RBFOX1: variants seen among roughly 807,000 people sequenced by gnomAD.
RBFOX1 encodes the protein RNA binding fox-1 homolog 1, also known as RNA binding protein fox-1 homolog 1.
In RBFOX1, 8 loss-of-function variants were observed where a neutral mutation model predicts 57.7. The ratio of observed to expected loss-of-function variants is 0.14; its 90% CI spans 0.08 to 0.25. The LOEUF is 0.25. RBFOX1 is among the 10% of genes least tolerant of loss of function. The probability of loss-of-function intolerance (pLI) is 1.00; values close to 1 mark genes in which losing one functional copy is unlikely to be tolerated. For synonymous variants in RBFOX1, 326 were observed against 222.4 expected, an observed-to-expected ratio of 1.47 and a Z score of -4.15; for missense variants, 611 against 548.5, an observed-to-expected ratio of 1.11 and a Z score of -1.14.
In RBFOX1 at chr16:7,658,949, T is replaced by A. The variant is rs527471005; in HGVS notation, c.890+5002T>A. Among the ~76,000 whole-genome samples, 5 of 152,322 alleles carry A rather than the reference T, an allele frequency of 3.3e-5. No individual in the cohort carries two copies. In the South Asian group the frequency reaches 8.3e-4, roughly 25 times the overall value. On this transcript the variant is annotated intron_variant, in intron 12 of 15. Transcript: ENST00000550418. Reference sequence around the variant, plus strand: ...CATATTGGCCAGGCTGCTCTCAAACTCCTGACCTCAAGTGATCTGCCCACC... The same window carrying A: ...CATATTGGCCAGGCTGCTCTCAAACACCTGACCTCAAGTGATCTGCCCACC...
chr16:6,378,825 C>G (rs1267616529), intron 2 of RBFOX1, among the ~76,000 whole-genome samples: 1 of 152,102 alleles, frequency 6.6e-6, no homozygotes, highest in East Asian at 1.9e-4. Context: ...TTGAATGAAT[C>G]TTTAGGAGGA....
At chr16:7,093,123 T>C (rs1184481467) in intron 4 of RBFOX1, among the ~76,000 whole-genome samples, 5 of 152,218 alleles carry the variant, frequency 3.3e-5, no homozygotes, top group Non-Finnish European at 5.9e-5. Context: ...AGATGACTTC[T>C]TTTACCCCAG....
At chr16:7,003,991 T>G (rs1323868344) in intron 3 of RBFOX1, 1 of 138,638 alleles carries the variant, frequency 7.2e-6, no homozygotes, top group African/African-American at 3.4e-5. Context: ...ATGAGGGGTT[T>G]TTTTTTTTTT....
chr16:6,822,864 T>C (rs1451400011), intron 3 of RBFOX1, among the ~76,000 whole-genome samples: 1 of 152,186 alleles, frequency 6.6e-6, no homozygotes, highest in East Asian at 1.9e-4. Flanking sequence ...TTAAAATGCC[T>C]GGAACAGTGA....
chr16:5,275,048 C>G (rs1227639842), intron 1 of RBFOX1, among the ~76,000 whole-genome samples: 2 of 152,214 alleles, frequency 1.3e-5, no homozygotes, highest in African/African-American at 4.8e-5. Flanking sequence ...CTATGCTGCT[C>G]TTGCCTTCTG....
At chr16:7,051,696 G>A (rs2050141412) in intron 3 of RBFOX1, among the ~76,000 whole-genome samples, 1 of 152,164 alleles carries the variant, frequency 6.6e-6, no homozygotes, top group African/African-American at 2.4e-5. Context: ...GGCCTTTATG[G>A]AGGAATTCTT....
chr16:7,136,949 C>T (rs2152055808), intron 4 of RBFOX1, among the ~76,000 whole-genome samples: 1 of 152,306 alleles, frequency 6.6e-6, no homozygotes, highest in East Asian at 1.9e-4. Context: ...TCGTCATGGC[C>T]CATGGGCCAG....
At chr16:6,118,756 TCTCTCTTTCTCC>T (rs1247074672) in intron 1 of RBFOX1, among the ~76,000 whole-genome samples, 147 of 149,284 alleles carry the variant, frequency 9.8e-4, no homozygotes, top group South Asian at 4.3e-3. Context: ...CTTCCTTCCT[TCTCTCTTTCTCC>T]CTCTCTTTCT....
At chr16:7,701,238 C>T (rs2215278) in intron 14 of RBFOX1, among the ~76,000 whole-genome samples, 148,897 of 152,266 alleles carry the variant, frequency 0.98, 72,893 homozygotes, top group East Asian at 1. Flanking sequence ...TTTTTGGAGA[C>T]TTTGCTGCAT....
At chr16:6,397,952 G>T (rs75890143) in intron 2 of RBFOX1, among the ~76,000 whole-genome samples, 5,061 of 152,192 alleles carry the variant, frequency 0.033, 248 homozygotes, top group African/African-American at 0.11. Flanking sequence ...ACTGAAAAAG[G>T]GGAATAGAGA....
At chr16:6,925,733 AC>A (rs755402243) in intron 3 of RBFOX1, among the ~76,000 whole-genome samples, 44 of 152,182 alleles carry the variant, frequency 2.9e-4, no homozygotes, top group Non-Finnish European at 5.1e-4. Flanking sequence ...GATTTTAAAC[AC>A]CCAAACACAG....
At chr16:6,436,231 G>A (rs565213018) in intron 2 of RBFOX1, among the ~76,000 whole-genome samples, 1 of 152,284 alleles carries the variant, frequency 6.6e-6, no homozygotes, top group African/African-American at 2.4e-5. Flanking sequence ...GAATGCAAGA[G>A]CTACCCGAAT....
At chr16:5,851,761 C>T (rs566202666) in intron 3 of RBFOX1, among the ~76,000 whole-genome samples, 10 of 152,166 alleles carry the variant, frequency 6.6e-5, no homozygotes, top group African/African-American at 1.7e-4. Flanking sequence ...TGTTCATGTC[C>T]GTTCAAAGGT....
intron 2 of RBFOX1, among the ~76,000 whole-genome samples, chr16:5,516,561 A>G (rs1271638359): frequency 6.6e-6 from 1 of 152,226 alleles, no homozygotes; most frequent in Non-Finnish European, 1.5e-5. Context: ...CTTATTCAAG[A>G]CAGTGATTCT....
At chr16:7,354,523 A>G (rs889312774) in intron 4 of RBFOX1, among the ~76,000 whole-genome samples, 1 of 151,990 alleles carries the variant, frequency 6.6e-6, no homozygotes, top group Non-Finnish European at 1.5e-5. Flanking sequence ...ATGAGCTTGG[A>G]AAAAAAACTA....
At chr16:5,780,983 C>G (rs542680276) in intron 3 of RBFOX1, among the ~76,000 whole-genome samples, 17 of 152,304 alleles carry the variant, frequency 1.1e-4, no homozygotes, top group African/African-American at 3.8e-4. Flanking sequence ...CGGGGTCCCG[C>G]TGGGAGAGGT....
chr16:6,108,464 A>G (rs865872719), intron 1 of RBFOX1, among the ~76,000 whole-genome samples: 1 of 152,232 alleles, frequency 6.6e-6, no homozygotes, highest in Non-Finnish European at 1.5e-5. Flanking sequence ...AAATGCTGCT[A>G]CAGGGTAGGT....
chr16:6,950,896 C>CTCTT (rs56019434), intron 3 of RBFOX1, among the ~76,000 whole-genome samples: 5 of 151,124 alleles, frequency 3.3e-5, no homozygotes, highest in African/African-American at 4.9e-5. Context: ...TTTCTTTTCA[C>CTCTT]TCTTTCTTTC....
rs116482252 is a variant in RBFOX1, at chr16:5,485,985, G to A, written c.258+18731G>A. On this transcript the variant is annotated intron_variant, in intron 2 of 2. Coordinates refer to the RBFOX1 transcript ENST00000585867. Reference sequence around the variant, plus strand: ...AGAATCAAGAGGCAGGCTCTGCAAAGCAGCCAGCTCATAGTCAGAATTCGG... The same window carrying A: ...AGAATCAAGAGGCAGGCTCTGCAAAACAGCCAGCTCATAGTCAGAATTCGG... Among the ~76,000 whole-genome samples, 1,291 of 152,260 alleles carry A rather than the reference G, an allele frequency of 8.5e-3. 15 individuals carry two copies. Among genetic ancestry groups the A allele is most frequent in the African/African-American group, 0.027 (1,108 of 41,546 alleles).
Sources: gnomAD v4.1 joint callset for allele counts (sites outside exome capture counted in the v4.1 genomes callset) on GRCh38, gnomAD v4.1.1 for gene constraint, MANE v1.5 for transcripts, NCBI Gene and HGNC (gene_info 2026-07-23, HGNC 2026-07-21) for gene names.